TMEM74: variants seen among roughly 807,000 people sequenced by gnomAD.
TMEM74 encodes the protein transmembrane protein 74.
A neutral mutation model predicts 18.1 loss-of-function variants in TMEM74; 13 were observed. The observed-to-expected ratio is 0.72, with a 90% confidence interval of 0.47 to 1.14. The LOEUF (loss-of-function observed/expected upper bound fraction) is 1.14, where lower values mean the gene tolerates loss of function less well. Among genes scored for constraint, TMEM74 ranks in the 50% most tolerant of loss-of-function variants. The probability of loss-of-function intolerance (pLI) is 0.00; values close to 1 mark genes in which losing one functional copy is unlikely to be tolerated. For missense variants in TMEM74, 372 were observed against 375.9 expected (o/e 0.99, Z 0.09); for synonymous variants, 159 against 146.6 (o/e 1.08, Z -0.61).
chr8:108,716,684 C>A (rs991825674), intron 1 of TMEM74, among the ~76,000 whole-genome samples: 1 of 151,046 alleles, frequency 6.6e-6, no homozygotes, highest in African/African-American at 2.4e-5. Flanking sequence ...AGAAAATCAT[C>A]AAAGAGAACT....
intron 1 of TMEM74, among the ~76,000 whole-genome samples, chr8:108,734,203 C>T (rs536719598): frequency 6.6e-6 from 1 of 152,216 alleles, no homozygotes; most frequent in Admixed American, 6.5e-5. Context: ...TCTCGGAGCT[C>T]GGACACACTT....
At chr8:108,749,779 T>C (rs1396609401) in intron 1 of TMEM74, among the ~76,000 whole-genome samples, 1 of 152,152 alleles carries the variant, frequency 6.6e-6, no homozygotes, top group African/African-American at 2.4e-5. Context: ...CTACATCACA[T>C]GTGCCCATGA....
At chr8:108,629,443 A>G (rs1812528323) in intron 2 of TMEM74, among the ~76,000 whole-genome samples, 1 of 152,108 alleles carries the variant, frequency 6.6e-6, no homozygotes, top group Non-Finnish European at 1.5e-5. Flanking sequence ...TCCCCAACCT[A>G]GTAAGAAAGG....
At chr8:108,667,130 G>A (rs767444216) in intron 1 of TMEM74, among the ~76,000 whole-genome samples, 9 of 152,102 alleles carry the variant, frequency 5.9e-5, no homozygotes, top group Non-Finnish European at 8.8e-5. Context: ...TTTTCGAAGT[G>A]GCCAGGGTCA....
chr8:108,724,056 C>G (rs1039749584), intron 1 of TMEM74, among the ~76,000 whole-genome samples: 1 of 152,090 alleles, frequency 6.6e-6, no homozygotes, highest in African/African-American at 2.4e-5. Flanking sequence ...CTTCACACAC[C>G]CTGTACTTTC....
intron 1 of TMEM74, among the ~76,000 whole-genome samples, chr8:108,676,018 T>A (rs1813053144): frequency 6.6e-6 from 1 of 152,154 alleles, no homozygotes; most frequent in Non-Finnish European, 1.5e-5. Context: ...CTGGCTCTTT[T>A]AAAAAGGACA....
intron 1 of TMEM74, among the ~76,000 whole-genome samples, chr8:108,709,783 C>T (rs1012389476): frequency 2.0e-5 from 3 of 152,090 alleles, no homozygotes; most frequent in African/African-American, 7.2e-5. Context: ...ATGTCTATTT[C>T]CTTGATGTGG....
At chr8:108,687,466 G>A (rs939309646) in intron 1 of TMEM74, among the ~76,000 whole-genome samples, 1 of 151,970 alleles carries the variant, frequency 6.6e-6, no homozygotes, top group East Asian at 1.9e-4. Context: ...ATTTTGTCAC[G>A]GACAGGGTCG....
At chr8:108,743,075 C>A (rs1164740417) in intron 1 of TMEM74, among the ~76,000 whole-genome samples, 2 of 152,160 alleles carry the variant, frequency 1.3e-5, no homozygotes, top group Non-Finnish European at 2.9e-5. Flanking sequence ...TGAAACAGAT[C>A]AGCAAGAACA....
intron 2 of TMEM74, among the ~76,000 whole-genome samples, chr8:108,617,829 A>G (rs553888543): frequency 3.9e-5 from 6 of 152,192 alleles, no homozygotes; most frequent in Non-Finnish European, 7.4e-5. Context: ...GGACTCCCCT[A>G]ATTTCAAGAA....
intron 1 of TMEM74, among the ~76,000 whole-genome samples, chr8:108,689,375 G>C (rs543372330): frequency 2.0e-5 from 3 of 152,280 alleles, no homozygotes; most frequent in African/African-American, 7.2e-5. Context: ...TTTTCATAGA[G>C]TAACGAACCA....
At chr8:108,734,469 C>T (rs2130641583) in intron 1 of TMEM74, among the ~76,000 whole-genome samples, 1 of 152,178 alleles carries the variant, frequency 6.6e-6, no homozygotes, top group Non-Finnish European at 1.5e-5. Flanking sequence ...TGTGAAGAAC[C>T]CTAATATACC....
chr8:108,757,198 C>T (rs537133198), intron 1 of TMEM74, among the ~76,000 whole-genome samples: 13 of 152,128 alleles, frequency 8.5e-5, no homozygotes, highest in Non-Finnish European at 1.3e-4. Flanking sequence ...TAAAACACCT[C>T]ATCCAGGTAT....
chr8:108,710,985 A>T (rs1029570827), intron 1 of TMEM74, among the ~76,000 whole-genome samples: 1 of 152,222 alleles, frequency 6.6e-6, no homozygotes, highest in Non-Finnish European at 1.5e-5. Flanking sequence ...AGTCATGTAC[A>T]ATGTAAACAT....
chr8:108,674,595 T>C (rs577603629), intron 1 of TMEM74, among the ~76,000 whole-genome samples: 17 of 152,342 alleles, frequency 1.1e-4, no homozygotes, highest in African/African-American at 3.8e-4. Context: ...AATCGAACCA[T>C]GTGCTTAAGG....
chr8:108,743,276 C>A (rs774178903), intron 1 of TMEM74, among the ~76,000 whole-genome samples: 1 of 152,152 alleles, frequency 6.6e-6, no homozygotes, highest in African/African-American at 2.4e-5. Flanking sequence ...GTGGCCTTTT[C>A]TCTTAAGAAA....
chr8:108,660,216 A>C (rs1586251048), intron 1 of TMEM74, among the ~76,000 whole-genome samples: 1 of 152,114 alleles, frequency 6.6e-6, no homozygotes, highest in East Asian at 1.9e-4. Flanking sequence ...AAAGACTGGC[A>C]ATTCTTTCTC....
At chr8:108,750,458 T>C (rs1269547024) in intron 1 of TMEM74, among the ~76,000 whole-genome samples, 1 of 152,110 alleles carries the variant, frequency 6.6e-6, no homozygotes, top group East Asian at 1.9e-4. Context: ...AGGAGAGGGC[T>C]CTTCCCTACC....
chr8:108,652,670 A>G, intron 2 of TMEM74: 1 of 599,112 alleles, frequency 1.7e-6, no homozygotes, highest in Non-Finnish European at 3.1e-6. Context: ...CCAATTGTGC[A>G]GAAAATCCAG....
Sources: allele counts gnomAD v4.1 joint callset (sites outside exome capture counted in the v4.1 genomes callset), GRCh38; gene constraint gnomAD v4.1.1; transcripts MANE v1.5; gene names NCBI Gene and HGNC (gene_info 2026-07-23, HGNC 2026-07-21).